Variants in COL23A1 observed in about 807,000 individuals in gnomAD.
COL23A1 encodes the protein collagen type XXIII alpha 1 chain.
In COL23A1, 97 loss-of-function variants were observed where a neutral mutation model predicts 99.3. That is an observed-to-expected ratio of 0.98 (90% CI 0.83 to 1.16). The LOEUF is 1.16. COL23A1 is among the 50% of genes most tolerant of loss of function. The pLI, the probability that COL23A1 is intolerant of heterozygous loss-of-function variation, is 0.00. For synonymous variants in COL23A1, 320 were observed against 308.2 expected, an observed-to-expected ratio of 1.04 and a Z score of -0.40; for missense variants, 762 against 757.4, an observed-to-expected ratio of 1.01 and a Z score of -0.07.
chr5:178,370,634 G>A (rs749464242), intron 2 of COL23A1, among the ~76,000 whole-genome samples: 2 of 152,168 alleles, frequency 1.3e-5, no homozygotes, highest in Non-Finnish European at 2.9e-5. Context: ...GGAGGTCCAG[G>A]CAGGAAGATG....
intron 2 of COL23A1, among the ~76,000 whole-genome samples, chr5:178,511,181 A>G (rs1759186753): frequency 6.6e-6 from 1 of 152,168 alleles, no homozygotes. Context: ...AACGTTCTTT[A>G]GTGACACCAA....
chr5:178,578,134 T>C (rs384212), intron 1 of COL23A1, among the ~76,000 whole-genome samples: 2 of 116,612 alleles, frequency 1.7e-5, no homozygotes, highest in Non-Finnish European at 3.3e-5. Flanking sequence ...CACACACACA[T>C]GCATGCACAC....
intron 2 of COL23A1, among the ~76,000 whole-genome samples, chr5:178,552,634 G>A (rs1762055533): frequency 6.6e-6 from 1 of 151,668 alleles, no homozygotes. Flanking sequence ...ACTTTGGGAG[G>A]GGATCTTTTG....
At chr5:178,554,763 C>G (rs1340938014) in intron 2 of COL23A1, among the ~76,000 whole-genome samples, 3 of 152,070 alleles carry the variant, frequency 2.0e-5, no homozygotes, top group African/African-American at 7.2e-5. Context: ...GTCCCATGCT[C>G]CAAGTCAGTG....
At chr5:178,257,810 G>A (rs1388154244) in intron 12 of COL23A1, among the ~76,000 whole-genome samples, 2 of 152,260 alleles carry the variant, frequency 1.3e-5, no homozygotes, top group Non-Finnish European at 2.9e-5. Context: ...ATGGGCAGGT[G>A]AATGAGGGTA....
chr5:178,465,300 C>A (rs377508850), intron 2 of COL23A1, among the ~76,000 whole-genome samples: 5 of 152,260 alleles, frequency 3.3e-5, no homozygotes, highest in African/African-American at 1.2e-4. Context: ...CTTAGAACAC[C>A]AGGCTGTCGT....
chr5:178,457,829 T>TA (rs1755882797), intron 2 of COL23A1, among the ~76,000 whole-genome samples: 2 of 152,364 alleles, frequency 1.3e-5, no homozygotes, highest in Admixed American at 1.3e-4. Flanking sequence ...TAAGTAAAAC[T>TA]AGGTAGCCTT....
intron 1 of COL23A1, among the ~76,000 whole-genome samples, chr5:178,579,474 G>C (rs1477218181): frequency 6.6e-6 from 1 of 152,132 alleles, no homozygotes; most frequent in Admixed American, 6.5e-5. Flanking sequence ...TTTGTTTTGA[G>C]ACGGAGTCTT....
chr5:178,361,352 T>C (rs1274671706), intron 2 of COL23A1, among the ~76,000 whole-genome samples: 1 of 152,182 alleles, frequency 6.6e-6, no homozygotes, highest in Non-Finnish European at 1.5e-5. Context: ...TTTTCTCCTG[T>C]GGAGTCACTT....
chr5:178,537,411 G>A (rs1761033890), intron 2 of COL23A1, among the ~76,000 whole-genome samples: 2 of 152,256 alleles, frequency 1.3e-5, no homozygotes, highest in South Asian at 4.1e-4. Flanking sequence ...GAGGCCGGGT[G>A]GGGCTGGGTG....
chr5:178,318,940 G>A (rs552461876), intron 2 of COL23A1, among the ~76,000 whole-genome samples: 2 of 152,072 alleles, frequency 1.3e-5, no homozygotes, highest in East Asian at 3.9e-4. Flanking sequence ...CAAGGGTGGA[G>A]GTCAGGTGAA....
chr5:178,289,123 T>C (rs1278284185), intron 4 of COL23A1, among the ~76,000 whole-genome samples: 3 of 151,988 alleles, frequency 2.0e-5, no homozygotes, highest in Non-Finnish European at 4.4e-5. Flanking sequence ...GCTGTCTTGC[T>C]TGGCTCACGG....
At chr5:178,588,605 C>G (rs1231911731) in intron 1 of COL23A1, among the ~76,000 whole-genome samples, 2 of 152,176 alleles carry the variant, frequency 1.3e-5, no homozygotes, top group Non-Finnish European at 2.9e-5. Context: ...CAGGCCCTTT[C>G]AAGGGTAAAA....
At chr5:178,571,201 A>C (rs1241859391) in intron 1 of COL23A1, among the ~76,000 whole-genome samples, 1 of 152,092 alleles carries the variant, frequency 6.6e-6, no homozygotes, top group Non-Finnish European at 1.5e-5. Context: ...GTGTCTACTA[A>C]AAATACAAAA....
intron 7 of COL23A1, among the ~76,000 whole-genome samples, chr5:178,267,911 A>T (rs6874193): frequency 0.11 from 17,224 of 152,174 alleles, 1,715 homozygotes; most frequent in African/African-American, 0.26. Flanking sequence ...ATTGGTCTTA[A>T]TTTACAGATG....
chr5:178,421,551 G>A (rs980574972), intron 2 of COL23A1, among the ~76,000 whole-genome samples: 8 of 152,106 alleles, frequency 5.3e-5, no homozygotes, highest in Admixed American at 2.6e-4. Flanking sequence ...GCCATTTGTC[G>A]GAAACAGAAA....
At chr5:178,549,349 C>A (rs986270055) in intron 2 of COL23A1, among the ~76,000 whole-genome samples, 3 of 151,430 alleles carry the variant, frequency 2.0e-5, no homozygotes, top group Non-Finnish European at 4.4e-5. Flanking sequence ...TGAAAAGACA[C>A]ACAAATAACA....
chr5:178,460,370 T>C (rs73805817), intron 2 of COL23A1, among the ~76,000 whole-genome samples: 1,833 of 151,908 alleles, frequency 0.012, 45 homozygotes, highest in African/African-American at 0.041. Context: ...CCCAGTAGGA[T>C]GGACCAGCCG....
chr5:178,370,083 C>T (rs1762718392), intron 2 of COL23A1, among the ~76,000 whole-genome samples: 1 of 152,204 alleles, frequency 6.6e-6, no homozygotes, highest in African/African-American at 2.4e-5. Flanking sequence ...CTAAGGCCAG[C>T]ACCAAATTCA....
Sources: gnomAD v4.1 joint callset for allele counts (sites outside exome capture counted in the v4.1 genomes callset) on GRCh38, gnomAD v4.1.1 for gene constraint, MANE v1.5 for transcripts, NCBI Gene and HGNC (gene_info 2026-07-23, HGNC 2026-07-21) for gene names.